The following AGPAT5 variants were observed in gnomAD, a reference collection of about 807,000 sequenced individuals.
AGPAT5 encodes 1-acyl-sn-glycerol-3-phosphate acyltransferase epsilon.
Under a neutral mutation model 45.6 loss-of-function variants are expected in AGPAT5, and 46 were observed. That is an observed-to-expected ratio of 1.01 (90% CI 0.80 to 1.29). The LOEUF (loss-of-function observed/expected upper bound fraction) is 1.29, where lower values mean the gene tolerates loss of function less well. Ranked by LOEUF, AGPAT5 falls within the 50% of genes most tolerant of loss-of-function variation. AGPAT5 has a pLI of 0.00. For synonymous variants in AGPAT5, 272 were observed against 167.0 expected (o/e 1.63, Z -4.85); for missense variants, 673 against 450.7 (o/e 1.49, Z -4.47).
chr8:6,713,329 T>G (rs1295394788), intron 1 of AGPAT5, among the ~76,000 whole-genome samples: 1 of 152,186 alleles, frequency 6.6e-6, no homozygotes, highest in Non-Finnish European at 1.5e-5. Context: ...ACACTTGGAA[T>G]TTACTTCAGA....
intron 4 of AGPAT5, among the ~76,000 whole-genome samples, chr8:6,739,598 A>C (rs1194140702): frequency 6.6e-6 from 1 of 152,138 alleles, no homozygotes; most frequent in Non-Finnish European, 1.5e-5. Context: ...CATATATTTG[A>C]CTTTTTAATA....
chr8:6,743,430 G>T (rs1801306531), intron 5 of AGPAT5, among the ~76,000 whole-genome samples: 1 of 152,214 alleles, frequency 6.6e-6, no homozygotes, highest in African/African-American at 2.4e-5. Context: ...ATTGAAGATA[G>T]AATTTATCCT....
intron 1 of AGPAT5, among the ~76,000 whole-genome samples, chr8:6,713,730 T>TG (rs1327784956): frequency 6.6e-6 from 1 of 151,328 alleles, no homozygotes; most frequent in Non-Finnish European, 1.5e-5. Context: ...ATTTTTTTTT[T>TG]GGTATTTTTT....
intron 2 of AGPAT5, among the ~76,000 whole-genome samples, chr8:6,727,016 C>G (rs1297550541): frequency 6.6e-6 from 1 of 152,170 alleles, no homozygotes; most frequent in Non-Finnish European, 1.5e-5. Context: ...TAAAGCCTAT[C>G]CATAGACGTG....
At chr8:6,732,942 C>G (rs917577251) in intron 4 of AGPAT5, among the ~76,000 whole-genome samples, 14 of 152,262 alleles carry the variant, frequency 9.2e-5, no homozygotes, top group Non-Finnish European at 1.3e-4. Flanking sequence ...GCATTTTAAC[C>G]TGACATTTAA....
Position 6,708,830 on chromosome 8 carries a change from C to T in AGPAT5, c.162C>T (p.Leu54=), listed in dbSNP as rs62497278. The T allele has an allele frequency of 3.7e-6, 6 of 1,611,512 alleles. No individual in the cohort carries two copies. The highest frequency in any genetic ancestry group is 5.1e-6 in the Non-Finnish European group (6 of 1,179,620). The change falls in exon 1 of 8, where the codon CTC becomes CTT. Residue 54 remains leucine, a synonymous_variant. Transcript: ENST00000285518. ...ARFYQALDDR[L]YCVYQSMVLF... is the part of the protein sequence containing the mutation. ...TCTACCAAGCGCTGGACGACCGGCTCTACTGCGTCTACCAGAGCATGGTGC... is the reference window on the plus strand; with the variant it reads ...TCTACCAAGCGCTGGACGACCGGCTTTACTGCGTCTACCAGAGCATGGTGC...
intron 1 of AGPAT5, among the ~76,000 whole-genome samples, chr8:6,715,419 T>C (rs1264199257): frequency 3.3e-5 from 5 of 152,162 alleles, no homozygotes; most frequent in Non-Finnish European, 1.5e-5. Flanking sequence ...GGCTTTGTGA[T>C]TGAATGTGGA....
chr8:6,709,147 G>A, intron 1 of AGPAT5: 1 of 559,988 alleles, frequency 1.8e-6, no homozygotes. Context: ...GCCTGGGTCT[G>A]ATGCTGCTTA....
rs1291426822 is a variant in AGPAT5 at position 6,730,805 on chromosome 8, G to A, written c.384G>A (p.Leu128=). The change falls in exon 3 of 8, where the codon TTG becomes TTA. Residue 128 remains leucine (L), a synonymous_variant. Transcript: ENST00000285518. ...AAGAAGGGTTAAAATGGCTGCCATT[G>A]TATGGGTGTTACTTTGCTCAGGTAA... is the stretch of plus-strand genomic sequence containing the variant. The part of the protein sequence containing the change: ...VLKEGLKWLP[L]YGCYFAQHGG... The A allele has an allele frequency of 6.2e-6, 10 of 1,612,574 alleles. No homozygotes were observed. In the Admixed American group the frequency reaches 8.3e-5, roughly 13 times the overall value.
At chr8:6,739,129 T>C (rs1458398998) in intron 4 of AGPAT5, among the ~76,000 whole-genome samples, 2 of 152,120 alleles carry the variant, frequency 1.3e-5, no homozygotes, top group East Asian at 3.9e-4. Flanking sequence ...ATGGAGCATT[T>C]GTTCTGTTAT....
At chr8:6,741,576 C>A in intron 4 of AGPAT5, 85 bp from the exon 5 acceptor site, 2 of 861,968 alleles carry the variant, frequency 2.3e-6, no homozygotes, top group South Asian at 3.3e-5. Flanking sequence ...ACTCTGTTAG[C>A]ATTAGTAGGT....
At chr8:6,722,282 G>A (rs924683402) in intron 1 of AGPAT5, among the ~76,000 whole-genome samples, 1 of 152,128 alleles carries the variant, frequency 6.6e-6, no homozygotes, top group Non-Finnish European at 1.5e-5. Context: ...TCCTGTATCT[G>A]CTGTGTCTCA....
intron 6 of AGPAT5, among the ~76,000 whole-genome samples, chr8:6,749,677 G>A (rs1563305640): frequency 6.6e-6 from 1 of 152,168 alleles, no homozygotes; most frequent in African/African-American, 2.4e-5. Context: ...TATCGAAGGA[G>A]TTACTTACCT....
chr8:6,714,455 C>A (rs146256384), intron 1 of AGPAT5, among the ~76,000 whole-genome samples: 43 of 152,300 alleles, frequency 2.8e-4, no homozygotes, highest in African/African-American at 1.0e-3. Context: ...GTAACTAGAA[C>A]TCTATTTTTA....
intron 6 of AGPAT5, among the ~76,000 whole-genome samples, chr8:6,751,910 G>A (rs190295601): frequency 6.6e-6 from 1 of 152,264 alleles, no homozygotes; most frequent in Admixed American, 6.5e-5. Context: ...CGGGCACAGT[G>A]GCTCACGCGT....
rs1383596115 is a variant in AGPAT5 at position 6,758,209 on chromosome 8, GT to G, written c.*828del. On this transcript the variant is annotated 3_prime_UTR_variant, in exon 8 of 8. Coordinates refer to ENST00000285518, the MANE Select transcript of AGPAT5 (RefSeq NM_018361.5). ...ACGTTAAGGTTTTCTGTTTTGTTTTGTTTTTTTAATATCAAAAGAGTCGGTG... is the reference window on the plus strand; with the variant it reads ...ACGTTAAGGTTTTCTGTTTTGTTTTGTTTTTTAATATCAAAAGAGTCGGTG... 6.6e-6 allele frequency: 1 copy of G among 152,408 alleles called. No homozygotes were observed. Among genetic ancestry groups the G allele is most frequent in the Non-Finnish European group, 1.5e-5 (1 of 67,992 alleles). 9.4% of individuals were successfully genotyped at this position (152,408 alleles called of 1,614,324 possible). A position where few individuals can be genotyped will look rare whatever the true frequency, so the allele number is the denominator to read the frequency against.
At chr8:6,754,186 GTT>G (rs1465550133) in intron 6 of AGPAT5, among the ~76,000 whole-genome samples, 1 of 152,180 alleles carries the variant, frequency 6.6e-6, no homozygotes, top group Non-Finnish European at 1.5e-5. Flanking sequence ...AAAGAAGGGA[GTT>G]TCTAGTCTCC....
chr8:6,746,609 G>C (rs1801474036), intron 5 of AGPAT5, among the ~76,000 whole-genome samples: 1 of 152,134 alleles, frequency 6.6e-6, no homozygotes, highest in African/African-American at 2.4e-5. Flanking sequence ...GCAAGTTTGT[G>C]AATCAATTTA....
At chr8:6,734,117 C>CT (rs1377547042) in intron 4 of AGPAT5, among the ~76,000 whole-genome samples, 16 of 152,216 alleles carry the variant, frequency 1.1e-4, no homozygotes, top group African/African-American at 3.9e-4. Context: ...GATTTGGTGT[C>CT]TGTTATTAAT....
Sources: gnomAD v4.1 joint callset for allele counts (sites outside exome capture counted in the v4.1 genomes callset) on GRCh38, gnomAD v4.1.1 for gene constraint, MANE v1.5 for transcripts, NCBI Gene and HGNC (gene_info 2026-07-23, HGNC 2026-07-21) for gene names.